Variants in NAV1 observed in about 807,000 individuals in gnomAD.
The protein encoded by NAV1 is pore membrane and/or filament interacting like protein 3.
Under a neutral mutation model 175.2 loss-of-function variants are expected in NAV1, and 18 were observed. That is an observed-to-expected ratio of 0.10 (90% CI 0.07 to 0.15). The LOEUF (loss-of-function observed/expected upper bound fraction) is 0.15. Ranked by LOEUF, NAV1 falls within the 10% of genes least tolerant of loss-of-function variation. The probability of loss-of-function intolerance (pLI) is 1.00; values close to 1 mark genes in which losing one functional copy is unlikely to be tolerated. For missense variants in NAV1, 1,731 were observed against 2,436.6 expected (o/e 0.71, Z 6.10); for synonymous variants, 897 against 978.7 (o/e 0.92, Z 1.56).
intron 17 of NAV1, among the ~76,000 whole-genome samples, chr1:201,805,887 C>T (rs1405052920): frequency 6.6e-6 from 1 of 152,028 alleles, no homozygotes; most frequent in African/African-American, 2.4e-5. Flanking sequence ...CATCACTGCA[C>T]TGTGGCCTGG....
At chr1:201,727,508 C>T (rs770329055) in intron 3 of NAV1, among the ~76,000 whole-genome samples, 5 of 152,242 alleles carry the variant, frequency 3.3e-5, no homozygotes, top group Non-Finnish European at 7.3e-5. Flanking sequence ...TGACCATGAC[C>T]TCTTTCCCAT....
At chr1:201,618,666 G>A (rs1036251829), upstream of NAV1, among the ~76,000 whole-genome samples, 1 of 152,142 alleles carries the variant, frequency 6.6e-6, no homozygotes, top group South Asian at 2.1e-4. Context: ...CTGCATTTGA[G>A]TCACACCACT....
At chr1:201,626,306 C>G (rs546687765) in intron 1 of NAV1, among the ~76,000 whole-genome samples, 1 of 152,366 alleles carries the variant, frequency 6.6e-6, no homozygotes, top group South Asian at 2.1e-4. Flanking sequence ...GCCCCAGCAC[C>G]TCAGCCTTCT....
intron 1 of NAV1, among the ~76,000 whole-genome samples, chr1:201,679,130 C>T (rs1383018566): frequency 2.6e-5 from 4 of 152,302 alleles, no homozygotes; most frequent in Middle Eastern, 3.4e-3. Flanking sequence ...ACCTCCTGAG[C>T]CTGCGGGCAG....
rs1227046175 is a variant in NAV1 at position 201,787,800 on chromosome 1, T to C, written c.2996-668T>C. 4.5e-6 allele frequency: 2 copies of C among 441,086 alleles called. No homozygotes were observed. Among genetic ancestry groups the C allele is most frequent in the Admixed American group, 2.4e-5 (1 of 41,382 alleles). The allele number at this position is 441,086 out of a possible 1,614,324, so 27.3% of individuals were successfully genotyped here. A position where few individuals can be genotyped will look rare whatever the true frequency, so the allele number is the denominator to read the frequency against. On this transcript the variant is annotated intron_variant, in intron 9 of 29. Transcript: ENST00000367296. The surrounding 1 kb of genome is among the most constrained non-coding windows in gnomAD (Gnocchi z 4.3). ...CATCTGCAGGTTAACGGGATTCAGCTGAACCCAGCTTCAAAGCACATTCCA... is the reference window on the plus strand; with the variant it reads ...CATCTGCAGGTTAACGGGATTCAGCCGAACCCAGCTTCAAAGCACATTCCA...
intron 1 of NAV1, among the ~76,000 whole-genome samples, chr1:201,653,605 A>T (rs1424990371): frequency 1.3e-5 from 2 of 152,110 alleles, no homozygotes; most frequent in Non-Finnish European, 2.9e-5. Context: ...TTTCCTTTTT[A>T]TTCAGTGCAT....
At position 201,693,674 on chromosome 1, in the gene NAV1, G is replaced by A. The variant is rs573877791; in HGVS notation, c.758-19143G>A. Among the ~76,000 whole-genome samples the A allele has an allele frequency of 5.3e-5, 8 of 152,266 alleles. No individual in the cohort carries two copies. In the South Asian group the frequency reaches 1.7e-3, roughly 32 times the overall value. On this transcript the variant is annotated intron_variant, in intron 1 of 29. Transcript: ENST00000367296. ...ACTGGAATTGGGCATTGAGGGCTGGGGAGAAGTGCCCCAGCAGGGACGGTC... is the reference window on the plus strand; with the variant it reads ...ACTGGAATTGGGCATTGAGGGCTGGAGAGAAGTGCCCCAGCAGGGACGGTC...
At chr1:201,595,440 T>C (rs1667323377) in intron 2 of NAV1, among the ~76,000 whole-genome samples, 1 of 152,284 alleles carries the variant, frequency 6.6e-6, no homozygotes, top group Admixed American at 6.5e-5. Flanking sequence ...TCCCATTCTC[T>C]GGCTCAGTGG....
At chr1:201,551,438 A>G (rs1665851933) in intron 1 of NAV1, among the ~76,000 whole-genome samples, 1 of 152,176 alleles carries the variant, frequency 6.6e-6, no homozygotes, top group Non-Finnish European at 1.5e-5. Context: ...TATGTTGCCC[A>G]GGCTGGTCTG....
intron 28 of NAV1, among the ~76,000 whole-genome samples, chr1:201,816,227 C>T (rs1304926914): frequency 6.6e-6 from 1 of 152,018 alleles, no homozygotes; most frequent in African/African-American, 2.4e-5. Context: ...AAAAATTAGC[C>T]GAGCGTGGTG....
At chr1:201,704,146 C>T (rs567046498) in intron 1 of NAV1, among the ~76,000 whole-genome samples, 6 of 152,316 alleles carry the variant, frequency 3.9e-5, no homozygotes, top group South Asian at 2.1e-4. Context: ...GTGGGCTCCC[C>T]GTCATAGATA....
At chr1:201,777,248 G>A (rs1676014379) in intron 3 of NAV1, among the ~76,000 whole-genome samples, 1 of 152,192 alleles carries the variant, frequency 6.6e-6, no homozygotes, top group South Asian at 2.1e-4. Context: ...AGAATCGCCA[G>A]GATAATGAAG....
chr1:201,769,480 T>C (rs1675424512), intron 3 of NAV1, among the ~76,000 whole-genome samples: 1 of 152,240 alleles, frequency 6.6e-6, no homozygotes, highest in Admixed American at 6.5e-5. Context: ...GTATATTTGA[T>C]AGAATACAGT....
chr1:201,819,952 A>G (rs1444944018), exon 30 of NAV1: 2 of 1,610,112 alleles, frequency 1.2e-6, no homozygotes, highest in Non-Finnish European at 1.7e-6. Context: ...AATCACTGTC[A>G]CCCCCGGACA....
chr1:201,551,500 A>T (rs144297262), intron 1 of NAV1, among the ~76,000 whole-genome samples: 30 of 152,308 alleles, frequency 2.0e-4, no homozygotes, highest in African/African-American at 7.0e-4. Context: ...AAGTGCTGGG[A>T]TTACAAACAT....
At chr1:201,574,108 A>G (rs1053328458) in intron 1 of NAV1, among the ~76,000 whole-genome samples, 1 of 152,160 alleles carries the variant, frequency 6.6e-6, no homozygotes, top group Non-Finnish European at 1.5e-5. Flanking sequence ...AGTTCTATTT[A>G]TAAGCATTTA....
At chr1:201,803,845 T>C in intron 16 of NAV1, 131 bp downstream of exon 20, 1 of 1,188,026 alleles carries the variant, frequency 8.4e-7, no homozygotes, top group East Asian at 2.6e-5. Flanking sequence ...TAGTGTGATG[T>C]CCGCTCAGAG....
chr1:201,591,860 A>C (rs1021638106), intron 2 of NAV1, among the ~76,000 whole-genome samples: 1 of 152,206 alleles, frequency 6.6e-6, no homozygotes, highest in Admixed American at 6.5e-5. Flanking sequence ...ACAGCACCCG[A>C]AATGACAGAA....
chr1:201,666,351 A>AC (rs1176657989), intron 1 of NAV1, among the ~76,000 whole-genome samples: 2 of 144,034 alleles, frequency 1.4e-5, no homozygotes, highest in African/African-American at 5.5e-5. Context: ...CTCCCTCCTT[A>AC]CAAAAAAAAA....
Sources: allele counts gnomAD v4.1 joint callset (sites outside exome capture counted in the v4.1 genomes callset), GRCh38; gene constraint gnomAD v4.1.1; non-coding constraint Gnocchi (gnomAD v3.1); transcripts MANE v1.5; gene names NCBI Gene and HGNC (gene_info 2026-07-23, HGNC 2026-07-21).